The following CNTNAP2 variants were observed in gnomAD, a reference collection of about 807,000 sequenced individuals.
The protein encoded by CNTNAP2 is contactin associated protein 2.
CNTNAP2 carries 98 observed loss-of-function variants against 155.2 expected under a neutral mutation model. That is an observed-to-expected ratio of 0.63 (90% confidence interval 0.54 to 0.75). CNTNAP2 has a LOEUF of 0.75. CNTNAP2 is among the 30% of genes least tolerant of loss of function. The pLI is 0.00. For synonymous variants in CNTNAP2, 651 were observed against 631.2 expected, an observed-to-expected ratio of 1.03 and a Z score of -0.47; for missense variants, 1,727 against 1,688.1, an observed-to-expected ratio of 1.02 and a Z score of -0.40.
At chr7:146,141,316 CA>C (rs2116757334) in intron 1 of CNTNAP2, among the ~76,000 whole-genome samples, 1 of 152,228 alleles carries the variant, frequency 6.6e-6, no homozygotes, top group Admixed American at 6.5e-5. Flanking sequence ...GTTTACATAT[CA>C]ATATATTATT....
intron 1 of CNTNAP2, among the ~76,000 whole-genome samples, chr7:146,299,621 C>T (rs1423686762): frequency 6.6e-6 from 1 of 151,738 alleles, no homozygotes; most frequent in African/African-American, 2.4e-5. Flanking sequence ...AGGATGGTCA[C>T]CAACACTGGC....
intron 14 of CNTNAP2, among the ~76,000 whole-genome samples, chr7:147,929,108 A>C (rs950738261): frequency 1.3e-5 from 2 of 150,964 alleles, no homozygotes; most frequent in African/African-American, 4.9e-5. Flanking sequence ...AAAAAAAAAA[A>C]AAAAAAAAAA....
At chr7:146,616,442 A>G (rs347228) in intron 1 of CNTNAP2, among the ~76,000 whole-genome samples, 73,660 of 152,030 alleles carry the variant, frequency 0.48, 18,470 homozygotes, top group South Asian at 0.58. Context: ...ATGATTGTTC[A>G]ATATGAGGAT....
intron 8 of CNTNAP2, among the ~76,000 whole-genome samples, chr7:147,211,175 T>C (rs1803137863): frequency 6.6e-6 from 1 of 151,998 alleles, no homozygotes; most frequent in African/African-American, 2.4e-5. Context: ...AATTTAAGTC[T>C]AGAATTTCTT....
rs927764078 is a variant in CNTNAP2, at chr7:147,083,523, TATATATATATATAC to T, written c.551-24611_551-24598del. Among the ~76,000 whole-genome samples, 18 of 75,726 alleles carry T rather than the reference TATATATATATATAC, an allele frequency of 2.4e-4. No homozygotes were observed. In the South Asian group the frequency reaches 6.7e-3, roughly 28 times the overall value. 49.7% of individuals were successfully genotyped at this position (75,726 alleles called of 152,430 possible). ...TTCAGGTTAAAAGTAAACATCATTT[TATATATATATATAC>T]ATATATATATATGTATATATATATA... On this transcript the variant is annotated intron_variant, in intron 4 of 23. Coordinates refer to ENST00000361727, the MANE Select transcript of CNTNAP2 (RefSeq NM_014141.6).
In CNTNAP2 at chr7:148,417,263, G is replaced by C. The variant is rs1481142685; in HGVS notation, c.*1647G>C. 6.6e-6 allele frequency: 1 copy of C among 152,498 alleles called. No individual in the cohort carries two copies. The highest frequency in any genetic ancestry group is 6.5e-5 in the Admixed American group (1 of 15,284). 9.4% of individuals were successfully genotyped at this position (152,498 alleles called of 1,614,324 possible). A position where few individuals can be genotyped will look rare whatever the true frequency, so the allele number is the denominator to read the frequency against. On this transcript the variant is annotated 3_prime_UTR_variant, in exon 24 of 24. Transcript: ENST00000361727. ...GTTAGAATTATGCATTCTTTTTCAA[G>C]ATTCTCAGTGTGCCTAACTTATTGG...
chr7:148,285,430 C>T (rs191582334), intron 21 of CNTNAP2, among the ~76,000 whole-genome samples: 244 of 152,338 alleles, frequency 1.6e-3, no homozygotes, highest in African/African-American at 5.3e-3. Context: ...AAGCCATACA[C>T]AGAAGTGAGC....
intron 12 of CNTNAP2, among the ~76,000 whole-genome samples, chr7:147,633,378 G>T (rs534228142): frequency 3.3e-5 from 5 of 152,306 alleles, no homozygotes; most frequent in Admixed American, 3.3e-4. Context: ...CTCTCATAGA[G>T]ATCCTCTGCT....
rs1042145483 is a variant in CNTNAP2 at position 148,222,171 on chromosome 7, C to G, written c.3247+4647C>G. ...ATCTCTCTGCTTCCAGATTCTCCCC[C>G]TCACCCTTTTTCACCACAGCCAGCA... On this transcript the variant is annotated intron_variant, in intron 19 of 23. Coordinates refer to ENST00000361727, the MANE Select transcript of CNTNAP2 (RefSeq NM_014141.6). Among the ~76,000 whole-genome samples the G allele has an allele frequency of 2.0e-5, 3 of 152,192 alleles. No individual in the cohort carries two copies. In the East Asian group the frequency reaches 5.8e-4, roughly 29 times the overall value.
At chr7:146,434,220 T>C (rs1289338042) in intron 1 of CNTNAP2, among the ~76,000 whole-genome samples, 1 of 152,152 alleles carries the variant, frequency 6.6e-6, no homozygotes, top group Non-Finnish European at 1.5e-5. Flanking sequence ...AGAATTACAC[T>C]GTGAGGTTAC....
At chr7:147,272,286 G>A (rs1256216887) in intron 8 of CNTNAP2, among the ~76,000 whole-genome samples, 1 of 151,938 alleles carries the variant, frequency 6.6e-6, no homozygotes. Flanking sequence ...CTTCCTTCCC[G>A]ACTCCCTTAC....
chr7:147,479,035 A>C (rs1044137908), intron 10 of CNTNAP2, among the ~76,000 whole-genome samples: 1 of 152,132 alleles, frequency 6.6e-6, no homozygotes, highest in African/African-American at 2.4e-5. Flanking sequence ...GGCATCCACA[A>C]CTGTCTGCTG....
intron 15 of CNTNAP2, among the ~76,000 whole-genome samples, chr7:148,059,669 A>G (rs934204170): frequency 6.7e-5 from 10 of 150,058 alleles, no homozygotes; most frequent in Admixed American, 2.0e-4. Context: ...TTCTTCATGT[A>G]GGTTATTAAA....
intron 15 of CNTNAP2, among the ~76,000 whole-genome samples, chr7:148,043,820 C>T (rs775670479): frequency 4.6e-5 from 7 of 152,196 alleles, no homozygotes; most frequent in Non-Finnish European, 7.4e-5. Context: ...CACCAGTATC[C>T]TTTTCACTAG....
intron 1 of CNTNAP2, among the ~76,000 whole-genome samples, chr7:146,564,516 A>G: frequency 6.7e-6 from 1 of 149,064 alleles, no homozygotes; most frequent in Non-Finnish European, 1.5e-5. Context: ...GTTGTATATT[A>G]TATAACAAAT....
chr7:148,230,118 T>C (rs1355534663), intron 20 of CNTNAP2, among the ~76,000 whole-genome samples: 2 of 152,224 alleles, frequency 1.3e-5, no homozygotes, highest in Admixed American at 1.3e-4. Context: ...ATCTGAAACT[T>C]ACCGTGTTTC....
chr7:146,333,900 A>G (rs551373214), intron 1 of CNTNAP2, among the ~76,000 whole-genome samples: 1 of 152,348 alleles, frequency 6.6e-6, no homozygotes, highest in East Asian at 1.9e-4. Context: ...TTCAAGGGTC[A>G]GTCCTGGAAT....
chr7:147,999,184 G>A (rs1280091190), intron 15 of CNTNAP2, among the ~76,000 whole-genome samples: 3 of 152,106 alleles, frequency 2.0e-5, no homozygotes, highest in Non-Finnish European at 2.9e-5. Flanking sequence ...CCGGGTTCCA[G>A]TGATTCTCCT....
intron 3 of CNTNAP2, among the ~76,000 whole-genome samples, chr7:146,930,150 G>C (rs1796715139): frequency 6.6e-6 from 1 of 152,118 alleles, no homozygotes; most frequent in South Asian, 2.1e-4. Flanking sequence ...ATTCACCAAA[G>C]TTGAAATGAA....
Sources: gnomAD v4.1 joint callset for allele counts (sites outside exome capture counted in the v4.1 genomes callset) on GRCh38, gnomAD v4.1.1 for gene constraint, MANE v1.5 for transcripts, NCBI Gene and HGNC (gene_info 2026-07-23, HGNC 2026-07-21) for gene names.